GPC6: variants seen among roughly 807,000 people sequenced by gnomAD.
GPC6 encodes glypican 6.
In GPC6, 14 loss-of-function variants were observed where a neutral mutation model predicts 55.2. The observed-to-expected ratio is 0.25, with a 90% confidence interval of 0.17 to 0.40. GPC6 has a LOEUF of 0.40. Among genes scored for constraint, GPC6 ranks in the 10% least tolerant of loss-of-function variants. GPC6 has a pLI of 1.00. For synonymous variants in GPC6, 278 were observed against 259.6 expected (o/e 1.07, Z -0.68); for missense variants, 641 against 708.5 (o/e 0.90, Z 1.08).
chr13:93,779,980 T>C (rs1209125668), intron 2 of GPC6, among the ~76,000 whole-genome samples: 3 of 152,172 alleles, frequency 2.0e-5, no homozygotes, highest in Non-Finnish European at 4.4e-5. Flanking sequence ...TTTTTCCTTA[T>C]GGATCCAAGG....
intron 8 of GPC6, 147 bp downstream of exon 8, chr13:94,398,788 CAG>C (rs1881004492): frequency 2.8e-6 from 2 of 724,554 alleles, no homozygotes; most frequent in Non-Finnish European, 4.8e-6. Context: ...GTCTTTTGGA[CAG>C]AGAGCTCTGA....
chr13:93,440,870 G>C, intron 1 of GPC6, among the ~76,000 whole-genome samples: 1 of 133,638 alleles, frequency 7.5e-6, no homozygotes, highest in Admixed American at 7.9e-5. Flanking sequence ...ACAGGCCCCA[G>C]TGTGTGATGT....
chr13:93,832,622 G>A (rs942358847), intron 3 of GPC6, among the ~76,000 whole-genome samples: 1 of 152,148 alleles, frequency 6.6e-6, no homozygotes, highest in Admixed American at 6.5e-5. Context: ...GAGGGAGGCT[G>A]CTGCTGGCTA....
At chr13:93,943,483 A>G (rs973277567) in intron 3 of GPC6, among the ~76,000 whole-genome samples, 5 of 152,080 alleles carry the variant, frequency 3.3e-5, no homozygotes, top group African/African-American at 1.2e-4. Context: ...CCAATTCTGG[A>G]GTCCCTCATA....
intron 3 of GPC6, among the ~76,000 whole-genome samples, chr13:93,945,173 G>A (rs935277470): frequency 6.6e-6 from 1 of 152,110 alleles, no homozygotes; most frequent in Admixed American, 6.6e-5. Context: ...CTAAACGTAG[G>A]TTTATTATAA....
chr13:93,434,037 T>A (rs1877472407), intron 1 of GPC6, among the ~76,000 whole-genome samples: 1 of 152,120 alleles, frequency 6.6e-6, no homozygotes, highest in African/African-American at 2.4e-5. Flanking sequence ...CTATATGAAG[T>A]TACAGATTAA....
At chr13:94,029,360 T>C (rs1883026192) in intron 4 of GPC6, among the ~76,000 whole-genome samples, 1 of 152,244 alleles carries the variant, frequency 6.6e-6, no homozygotes. Context: ...AAGTTAATCA[T>C]TAAGTTATCC....
rs74111534 is a variant in GPC6, at chr13:93,706,889, A to G, written c.320-123265A>G. ...GAATACAATTTGGTAAGATATGAAC[A>G]ATGGTCCTTCAGAACATGCCTTGAG... On this transcript the variant is annotated intron_variant, in intron 2 of 8. Transcript: ENST00000377047. Among the ~76,000 whole-genome samples the G allele has an allele frequency of 2.9e-3, 439 of 152,002 alleles. 4 individuals are homozygous for G. The highest frequency in any genetic ancestry group is 9.8e-3 in the African/African-American group (405 of 41,522).
At chr13:93,592,412 T>C (rs1303730763) in intron 2 of GPC6, among the ~76,000 whole-genome samples, 1 of 147,398 alleles carries the variant, frequency 6.8e-6, no homozygotes, top group East Asian at 2.0e-4. Context: ...AATATAAATA[T>C]ATAAATATAT....
At chr13:93,930,275 G>GTTTTTTTTTTTTTTTTTTTTTTTT (rs35858695) in intron 3 of GPC6, among the ~76,000 whole-genome samples, 10 of 123,820 alleles carry the variant, frequency 8.1e-5, no homozygotes, top group East Asian at 2.5e-4. Context: ...GAAACGAAAG[G>GTTTTTTTTTTTTTTTTTTTTTTTT]TTTTTTTTTT....
intron 3 of GPC6, among the ~76,000 whole-genome samples, chr13:93,901,369 C>T (rs1876340136): frequency 6.6e-6 from 1 of 150,904 alleles, no homozygotes; most frequent in Admixed American, 6.6e-5. Flanking sequence ...CTTATGGCCA[C>T]ACCTCACTAC....
At chr13:94,287,340 G>A (rs975297598) in intron 5 of GPC6, among the ~76,000 whole-genome samples, 9 of 152,154 alleles carry the variant, frequency 5.9e-5, no homozygotes, top group South Asian at 2.1e-4. Context: ...AAATATGTCA[G>A]GCAAAGAGTT....
chr13:93,898,579 A>C (rs1566592544), intron 3 of GPC6, among the ~76,000 whole-genome samples: 1 of 152,196 alleles, frequency 6.6e-6, no homozygotes, highest in East Asian at 1.9e-4. Context: ...TGAAGCCAGC[A>C]GCATATCAAA....
chr13:93,394,794 T>TTTTATTTA (rs35986845), intron 1 of GPC6, among the ~76,000 whole-genome samples: 331 of 151,132 alleles, frequency 2.2e-3, no homozygotes, highest in East Asian at 3.1e-3. Flanking sequence ...TATTAGGTAA[T>TTTTATTTA]TTTATTTATT....
intron 2 of GPC6, among the ~76,000 whole-genome samples, chr13:93,707,387 G>GT (rs533224839): frequency 1.4e-3 from 209 of 150,634 alleles, no homozygotes; most frequent in African/African-American, 4.0e-3. Flanking sequence ...TTTTAAACAT[G>GT]TTTTTTTTAA....
At chr13:93,317,141 G>A (rs1211196589) in intron 1 of GPC6, among the ~76,000 whole-genome samples, 1 of 151,974 alleles carries the variant, frequency 6.6e-6, no homozygotes, top group African/African-American at 2.4e-5. Flanking sequence ...CACACTCATG[G>A]GGTGTTTTAT....
In GPC6 at chr13:93,680,194, C is replaced by T. The variant is rs532010633; in HGVS notation, c.319+134773C>T. Reference sequence around the variant, plus strand: ...AGTCCTAATTCAATATGACTGGTGTCCTTATTAAAAGGGACACAGAGACAC... The same window carrying T: ...AGTCCTAATTCAATATGACTGGTGTTCTTATTAAAAGGGACACAGAGACAC... On this transcript the variant is annotated intron_variant, in intron 2 of 8. Coordinates refer to ENST00000377047, the MANE Select transcript of GPC6 (RefSeq NM_005708.5). Among the ~76,000 whole-genome samples, 4 of 152,088 alleles carry T rather than the reference C, an allele frequency of 2.6e-5. No individual in the cohort carries two copies. The South Asian group carries it at 8.3e-4, about 32-fold the overall frequency.
intron 4 of GPC6, among the ~76,000 whole-genome samples, chr13:94,157,073 T>C (rs770208140): frequency 6.6e-6 from 1 of 152,100 alleles, no homozygotes; most frequent in Non-Finnish European, 1.5e-5. Flanking sequence ...ATGAGTGTAG[T>C]GGTTAAGCAA....
At chr13:93,284,889 T>G (rs560152618) in intron 1 of GPC6, among the ~76,000 whole-genome samples, 1 of 152,136 alleles carries the variant, frequency 6.6e-6, no homozygotes, top group Non-Finnish European at 1.5e-5. Context: ...TATCAGAGGT[T>G]GTTATATGGT....
Sources: allele counts gnomAD v4.1 joint callset (sites outside exome capture counted in the v4.1 genomes callset), GRCh38; gene constraint gnomAD v4.1.1; transcripts MANE v1.5; gene names NCBI Gene and HGNC (gene_info 2026-07-23, HGNC 2026-07-21).